DRC11: variants seen among roughly 807,000 people sequenced by gnomAD.
DRC11 encodes IQ and AAA domain-containing protein 1.
At chr2:236,490,347 G>A in the DRC11 span, among the ~76,000 whole-genome samples, 2 of 152,198 alleles carry the variant, frequency 1.3e-5, no homozygotes, top group African/African-American at 2.4e-5. This position sits in a 1 kb window ranked among gnomAD's most constrained non-coding sequence, Gnocchi z 5.5. Context: ...CAGACTGACC[G>A]TCTTTCCACT....
At chr2:236,487,012 T>G in the DRC11 span, 2 of 743,410 alleles carry the variant, frequency 2.7e-6, no homozygotes, top group Non-Finnish European at 4.6e-6. Context: ...AATCCTAAGC[T>G]CTAGGCTGTC....
chr2:236,435,419 T>C, the DRC11 span, among the ~76,000 whole-genome samples: 3 of 152,368 alleles, frequency 2.0e-5, no homozygotes, highest in South Asian at 4.1e-4. Flanking sequence ...ACATGTTGTC[T>C]ATGGCTTCTC....
At chr2:236,335,109 C>T in the DRC11 span, among the ~76,000 whole-genome samples, 11 of 152,276 alleles carry the variant, frequency 7.2e-5, no homozygotes, top group African/African-American at 1.4e-4. The surrounding 1 kb of genome is among the most constrained non-coding windows in gnomAD (Gnocchi z 5.6). Context: ...CCACGTGGCC[C>T]GGAGGAATTT....
At chr2:236,364,761 T>C in the DRC11 span, among the ~76,000 whole-genome samples, 1 of 152,186 alleles carries the variant, frequency 6.6e-6, no homozygotes, top group Admixed American at 6.5e-5. Context: ...TCATTTACTA[T>C]CATGTTAGTT....
chr2:236,343,882 C>T, the DRC11 span: 1 of 508,776 alleles, frequency 2.0e-6, no homozygotes. The surrounding 1 kb of genome is among the most constrained non-coding windows in gnomAD (Gnocchi z 6.6). Context: ...TCCAAATCAT[C>T]TCTACCTGCG....
chr2:236,331,603 G>A, the DRC11 span: 6 of 1,604,232 alleles, frequency 3.7e-6, no homozygotes, highest in Admixed American at 1.0e-4. The surrounding 1 kb of genome is among the most constrained non-coding windows in gnomAD (Gnocchi z 4.8). Flanking sequence ...CAGAACTGTT[G>A]TATCCAGAAA....
the DRC11 span, among the ~76,000 whole-genome samples, chr2:236,351,507 A>G: frequency 2.6e-5 from 4 of 152,296 alleles, no homozygotes; most frequent in East Asian, 7.7e-4. This position sits in a 1 kb window ranked among gnomAD's most constrained non-coding sequence, Gnocchi z 7.3. Flanking sequence ...AGGGGTCAGA[A>G]AAGTGCACGG....
the DRC11 span, among the ~76,000 whole-genome samples, chr2:236,358,534 G>A: frequency 6.9e-6 from 1 of 144,552 alleles, no homozygotes; most frequent in Non-Finnish European, 1.5e-5. Flanking sequence ...TATAAGGCAG[G>A]GCTGTTGCCT....
At chr2:236,483,510 G>A in the DRC11 span, among the ~76,000 whole-genome samples, 1 of 152,182 alleles carries the variant, frequency 6.6e-6, no homozygotes, top group African/African-American at 2.4e-5. The surrounding 1 kb of genome is among the most constrained non-coding windows in gnomAD (Gnocchi z 4.8). Flanking sequence ...AAGGCAGTAA[G>A]CTTGGATATC....
the DRC11 span, among the ~76,000 whole-genome samples, chr2:236,309,174 C>T: frequency 2.0e-5 from 3 of 152,180 alleles, no homozygotes; most frequent in Non-Finnish European, 2.9e-5. This position sits in a 1 kb window ranked among gnomAD's most constrained non-coding sequence, Gnocchi z 5.7. Flanking sequence ...AGAACTCCCT[C>T]GCGGCGGCTC....
At chr2:236,399,147 G>A in the DRC11 span, among the ~76,000 whole-genome samples, 33,814 of 151,850 alleles carry the variant, frequency 0.22, 3,921 homozygotes, top group African/African-American at 0.27. The surrounding 1 kb of genome is among the most constrained non-coding windows in gnomAD (Gnocchi z 7.0). Flanking sequence ...CCGCTGTTAC[G>A]CCCAGCTAAT....
chr2:236,503,712 C>T, the DRC11 span: 2 of 1,549,994 alleles, frequency 1.3e-6, no homozygotes, highest in Non-Finnish European at 1.7e-6. This position sits in a 1 kb window ranked among gnomAD's most constrained non-coding sequence, Gnocchi z 4.9. Flanking sequence ...GCTTCCTGCT[C>T]CCCAGCTGTC....
chr2:236,356,993 T>G, the DRC11 span, among the ~76,000 whole-genome samples: 33 of 106,800 alleles, frequency 3.1e-4, 3 homozygotes, highest in Admixed American at 3.3e-3. Flanking sequence ...ATTATATATC[T>G]ATATATTTAT....
chr2:236,438,762 T>C, the DRC11 span, among the ~76,000 whole-genome samples: 1 of 151,960 alleles, frequency 6.6e-6, no homozygotes, highest in Non-Finnish European at 1.5e-5. Flanking sequence ...CAACAGAATA[T>C]ACATTTTTTT....
At chr2:236,400,641 A>G in the DRC11 span, among the ~76,000 whole-genome samples, 1 of 152,156 alleles carries the variant, frequency 6.6e-6, no homozygotes, top group African/African-American at 2.4e-5. This position sits in a 1 kb window ranked among gnomAD's most constrained non-coding sequence, Gnocchi z 7.9. Flanking sequence ...AGTACTCTCT[A>G]TGCAGTGACA....
At chr2:236,491,027 G>A in the DRC11 span, among the ~76,000 whole-genome samples, 3 of 122,950 alleles carry the variant, frequency 2.4e-5, no homozygotes, top group Non-Finnish European at 3.6e-5. Context: ...GTATATATAT[G>A]TGTGTATATA....
the DRC11 span, among the ~76,000 whole-genome samples, chr2:236,384,349 T>C: frequency 3.3e-5 from 5 of 152,112 alleles, no homozygotes; most frequent in Non-Finnish European, 5.9e-5. Context: ...TTTTTAATGA[T>C]TGCCATTCTA....
chr2:236,353,612 T>C, the DRC11 span, among the ~76,000 whole-genome samples: 2 of 152,164 alleles, frequency 1.3e-5, no homozygotes, highest in Admixed American at 1.3e-4. This position sits in a 1 kb window ranked among gnomAD's most constrained non-coding sequence, Gnocchi z 5.0. Flanking sequence ...GCTACTATTT[T>C]TTTCAGCTGA....
At chr2:236,445,244 C>T in the DRC11 span, among the ~76,000 whole-genome samples, 1 of 152,060 alleles carries the variant, frequency 6.6e-6, no homozygotes, top group South Asian at 2.1e-4. The surrounding 1 kb of genome is among the most constrained non-coding windows in gnomAD (Gnocchi z 4.8). Context: ...ACGTGGAATT[C>T]TTAATTATGG....
Sources: gnomAD v4.1 joint callset for allele counts (sites outside exome capture counted in the v4.1 genomes callset) on GRCh38, gnomAD v4.1.1 for gene constraint, Gnocchi (gnomAD v3.1) non-coding constraint, MANE v1.5 for transcripts, NCBI Gene and HGNC (gene_info 2026-07-23, HGNC 2026-07-21) for gene names.